The following PLCH1 variants were observed in gnomAD, a reference collection of about 807,000 sequenced individuals.
PLCH1 encodes 1-phosphatidylinositol 4,5-bisphosphate phosphodiesterase eta-1.
PLCH1 carries 60 observed loss-of-function variants against 126.7 expected under a neutral mutation model. The observed-to-expected ratio is 0.47, with a 90% CI of 0.38 to 0.59. The LOEUF is 0.59. PLCH1 is among the 20% of genes least tolerant of loss of function. PLCH1 has a pLI of 0.00. For missense variants in PLCH1, 1,723 were observed against 2,040.0 expected (o/e 0.84, Z 2.99); for synonymous variants, 719 against 734.9 (o/e 0.98, Z 0.35).
chr3:155,708,797 G>A (rs566913666), intron 1 of PLCH1, among the ~76,000 whole-genome samples: 2 of 152,054 alleles, frequency 1.3e-5, no homozygotes, highest in South Asian at 4.2e-4. Context: ...AATATAATAT[G>A]TTACACATTC....
At chr3:155,740,406 CAAAAAAA>C (rs60626575) in intron 1 of PLCH1, among the ~76,000 whole-genome samples, 6 of 102,194 alleles carry the variant, frequency 5.9e-5, no homozygotes, top group Non-Finnish European at 8.7e-5. Context: ...GACTCTGTCT[CAAAAAAA>C]AAAAAAAAAA....
At chr3:155,633,449 A>G (rs953306630) in intron 2 of PLCH1, among the ~76,000 whole-genome samples, 2 of 132,596 alleles carry the variant, frequency 1.5e-5, no homozygotes, top group African/African-American at 6.1e-5. Context: ...CACACACACA[A>G]ACATAAACAC....
At chr3:155,604,152 G>A (rs1734081003) in intron 2 of PLCH1, among the ~76,000 whole-genome samples, 1 of 151,658 alleles carries the variant, frequency 6.6e-6, no homozygotes, top group Non-Finnish European at 1.5e-5. Flanking sequence ...GAAGAGCAGT[G>A]TATATAAATA....
At chr3:155,546,238 C>T (rs542107750) in intron 10 of PLCH1, among the ~76,000 whole-genome samples, 17 of 152,236 alleles carry the variant, frequency 1.1e-4, no homozygotes, top group Admixed American at 7.9e-4. Context: ...TTCCTATACA[C>T]CAATAACAGA....
intron 2 of PLCH1, among the ~76,000 whole-genome samples, chr3:155,690,721 T>G (rs1292195399): frequency 6.6e-6 from 1 of 152,196 alleles, no homozygotes; most frequent in Non-Finnish European, 1.5e-5. Context: ...AACAGTTCTC[T>G]TCTCCCTCAC....
chr3:155,564,989 CCA>C lies in PLCH1; in HGVS notation c.993_994del (p.Gly332ArgfsTer26). On this transcript the variant is annotated frameshift_variant, in exon 8 of 23. Coordinates refer to ENST00000460012, the MANE Select transcript of PLCH1 (RefSeq NM_014996.4). LOFTEE classifies it high-confidence loss of function. ...TTTGGACTGAGAAAGGAGCTGGTCT[CCA>C]GTCAGGTATGTATTGTGAGAGGAAG... 3.7e-6 allele frequency: 6 copies of C among 1,613,848 alleles called. No individual in the cohort carries two copies. The highest frequency in any genetic ancestry group is 5.1e-6 in the Non-Finnish European group (6 of 1,179,776).
chr3:155,604,208 C>G (rs1024586396), intron 2 of PLCH1, among the ~76,000 whole-genome samples: 1 of 152,000 alleles, frequency 6.6e-6, no homozygotes, highest in East Asian at 1.9e-4. Context: ...TATAAAACTG[C>G]TCTTCACAGC....
intron 2 of PLCH1, among the ~76,000 whole-genome samples, chr3:155,621,794 T>C (rs923018924): frequency 5.3e-5 from 8 of 152,108 alleles, no homozygotes; most frequent in Admixed American, 5.2e-4. Flanking sequence ...GATTGGTGTA[T>C]CTGAAAGTGA....
rs1449071088 is a variant in PLCH1 at position 155,492,829 on chromosome 3, T to A, written c.2207A>T (p.Asp736Val). The A allele has an allele frequency of 6.2e-7, 1 of 1,601,798 alleles. No individual in the cohort carries two copies. Among genetic ancestry groups the A allele is most frequent in the Admixed American group, 1.7e-5 (1 of 57,620 alleles). Residue 736 changes from aspartate to valine, a missense_variant, in exon 18 of 23, where the codon GAC becomes GTC. By Grantham distance (152) the Asp-to-Val change is radical. Coordinates refer to ENST00000460012, the MANE Select transcript of PLCH1 (RefSeq NM_014996.4). ...CKGTFNPFSG[D>V]PLPANPKKQL... Reference sequence around the variant, plus strand: ...CTTTTTGGGGTTGGCAGGAAGAGGGTCACCAGAGAAAGGGTTGAAAGTACC... The same window carrying A: ...CTTTTTGGGGTTGGCAGGAAGAGGGACACCAGAGAAAGGGTTGAAAGTACC...
intron 2 of PLCH1, among the ~76,000 whole-genome samples, chr3:155,629,712 T>C (rs1737800673): frequency 6.6e-6 from 1 of 152,124 alleles, no homozygotes; most frequent in Non-Finnish European, 1.5e-5. Flanking sequence ...ACGTCTCAAA[T>C]ACTCCAGCAA....
intron 2 of PLCH1, 71 bp from the exon 3 acceptor site, chr3:155,596,449 T>TC: frequency 1.5e-6 from 2 of 1,319,564 alleles, no homozygotes; most frequent in Middle Eastern, 2.0e-4. Flanking sequence ...GGTTTTAGAG[T>TC]CAAATAAAAC....
intron 1 of PLCH1, among the ~76,000 whole-genome samples, chr3:155,735,804 T>C (rs956533664): frequency 6.6e-6 from 1 of 152,130 alleles, no homozygotes; most frequent in African/African-American, 2.4e-5. Context: ...AGAAAATAAA[T>C]AGTTTAAGGA....
At chr3:155,591,445 G>C (rs761410812) in intron 4 of PLCH1, among the ~76,000 whole-genome samples, 1 of 152,054 alleles carries the variant, frequency 6.6e-6, no homozygotes, top group Non-Finnish European at 1.5e-5. Context: ...GATTTTCTTC[G>C]TGTACTTCAA....
intron 2 of PLCH1, among the ~76,000 whole-genome samples, chr3:155,643,296 A>G (rs773025229): frequency 1.2e-4 from 18 of 152,096 alleles, no homozygotes; most frequent in Admixed American, 3.9e-4. Context: ...GCCAGTCACC[A>G]TGTTGTGTGG....
intron 4 of PLCH1, among the ~76,000 whole-genome samples, chr3:155,589,269 C>A (rs1275295563): frequency 1.3e-5 from 2 of 152,112 alleles, no homozygotes; most frequent in Non-Finnish European, 2.9e-5. Context: ...CTATTCCACT[C>A]TGTCACTGTT....
At chr3:155,506,719 A>C (rs1718814581) in intron 12 of PLCH1, among the ~76,000 whole-genome samples, 1 of 146,864 alleles carries the variant, frequency 6.8e-6, no homozygotes, top group African/African-American at 2.5e-5. Context: ...TCCATGGTGT[A>C]TATGTGCCAC....
chr3:155,720,258 T>C lies in PLCH1; in HGVS notation c.-40-15994A>G, dbSNP rs756181941. ...CCAGTAGTGGGATTGCTGGATCAAA[T>C]AGTAGATCTACTTTTGGTTCTTTAA... is the stretch of plus-strand genomic sequence containing the variant. On this transcript the variant is annotated intron_variant, in intron 1 of 22. Coordinates refer to ENST00000460012, the MANE Select transcript of PLCH1 (RefSeq NM_014996.4). 1.4e-4 allele frequency among the ~76,000 whole-genome samples: 22 copies of C among 152,376 alleles called. No individual in the cohort carries two copies. The South Asian group carries it at 1.7e-3, about 11-fold the overall frequency.
At chr3:155,711,499 A>G (rs984209557) in intron 1 of PLCH1, among the ~76,000 whole-genome samples, 10 of 152,136 alleles carry the variant, frequency 6.6e-5, no homozygotes, top group African/African-American at 1.7e-4. Context: ...TTAAAACTCG[A>G]CAATGAAAAA....
At chr3:155,561,698 G>A (rs1425867754) in intron 8 of PLCH1, among the ~76,000 whole-genome samples, 10 of 152,010 alleles carry the variant, frequency 6.6e-5, no homozygotes, top group Non-Finnish European at 1.3e-4. Flanking sequence ...AGATCCCTGA[G>A]GAATCGCCAC....
Sources: allele counts gnomAD v4.1 joint callset (sites outside exome capture counted in the v4.1 genomes callset), GRCh38; gene constraint gnomAD v4.1.1; transcripts MANE v1.5; gene names NCBI Gene and HGNC (gene_info 2026-07-23, HGNC 2026-07-21).